The following CARM1 variants were observed in gnomAD, a reference collection of about 807,000 sequenced individuals.
CARM1 encodes coactivator associated arginine methyltransferase 1.
CARM1 carries 14 observed loss-of-function variants against 72.7 expected under a neutral mutation model. The ratio of observed to expected loss-of-function variants is 0.19; its 90% CI spans 0.13 to 0.30. CARM1 has a LOEUF of 0.30. Ranked by LOEUF, CARM1 falls within the 10% of genes least tolerant of loss-of-function variation. The pLI is 1.00. For synonymous variants in CARM1, 333 were observed against 345.5 expected (o/e 0.96, Z 0.40); for missense variants, 432 against 833.7 (o/e 0.52, Z 5.93).
intron 1 of CARM1, among the ~76,000 whole-genome samples, chr19:10,878,191 T>C (rs930225818): frequency 4.6e-5 from 7 of 152,212 alleles, no homozygotes; most frequent in African/African-American, 1.7e-4. Flanking sequence ...TTTACAGTTT[T>C]TGAGAGATTG....
intron 15 of CARM1, 52 bp from the exon 16 acceptor site, chr19:10,921,563 T>TG: frequency 6.3e-7 from 1 of 1,579,678 alleles, no homozygotes; most frequent in Non-Finnish European, 8.6e-7. Context: ...TGACTCTGCC[T>TG]GGGGGCTGGG....
At chr19:10,875,042 T>C (rs900787483) in intron 1 of CARM1, among the ~76,000 whole-genome samples, 1 of 149,104 alleles carries the variant, frequency 6.7e-6, no homozygotes, top group Non-Finnish European at 1.5e-5. Context: ...AAAAAAAGCA[T>C]GGGTTCTGGA....
chr19:10,882,784 C>T (rs926741506), intron 1 of CARM1, among the ~76,000 whole-genome samples: 14 of 152,114 alleles, frequency 9.2e-5, no homozygotes, highest in Admixed American at 5.9e-4. Flanking sequence ...TCAAGTGGAT[C>T]TGCCCGCCTT....
In CARM1 at chr19:10,916,489, C is replaced by T; in HGVS notation, c.930C>T (p.Ala310=). Reference sequence around the variant, plus strand: ...TCTACATGGAGCAGTTCACCAAGGCCAACTTCTGGTGAGTGTGCCCTGGGT... The same window carrying T: ...TCTACATGGAGCAGTTCACCAAGGCTAACTTCTGGTGAGTGTGCCCTGGGT... ...EQLYMEQFTK[A]NFWYQPSFHG... Residue 310 remains alanine (A), a synonymous_variant, in exon 7 of 16, where the codon GCC becomes GCT. Coordinates refer to ENST00000327064, the MANE Select transcript of CARM1 (RefSeq NM_199141.2). The surrounding 1 kb of genome is among the most constrained non-coding windows in gnomAD (Gnocchi z 4.4). 6.2e-7 allele frequency: 1 copy of T among 1,611,630 alleles called. No homozygotes were observed. The highest frequency in any genetic ancestry group is 8.5e-7 in the Non-Finnish European group (1 of 1,177,858).
rs2073815699 is a variant in CARM1 at position 10,871,616 on chromosome 19, G to GGCGGTAGCGGCA, written c.-83_-82insTAGCGGCAGCGG. 7.3e-6 allele frequency: 1 copy of GGCGGTAGCGGCA among 136,450 alleles called. No individual in the cohort carries two copies. Among genetic ancestry groups the GGCGGTAGCGGCA allele is most frequent in the Non-Finnish European group, 1.4e-5 (1 of 73,176 alleles). The allele number at this position is 136,450 out of a possible 1,614,324, so 8.5% of individuals were successfully genotyped here. A position where few individuals can be genotyped will look rare whatever the true frequency, so the allele number is the denominator to read the frequency against. Reference sequence around the variant, plus strand: ...CGGCGGCGGCGGCGGCGGCGGCGGCGGCGGCGGCGGCGGCGGCGGCGGCAG... The same window carrying GGCGGTAGCGGCA: ...CGGCGGCGGCGGCGGCGGCGGCGGCGGCGGTAGCGGCAGCGGCGGCGGCGGCGGCGGCGGCAG... On this transcript the variant is annotated 5_prime_UTR_variant, in exon 1 of 16. Transcript: ENST00000327064. This position sits in a 1 kb window ranked among gnomAD's most constrained non-coding sequence, Gnocchi z 5.6.
intron 9 of CARM1, 97 bp from the exon 10 acceptor site, chr19:10,919,780 T>G: frequency 6.7e-7 from 1 of 1,498,136 alleles, no homozygotes; most frequent in Non-Finnish European, 9.3e-7. Flanking sequence ...GGGCAGATGG[T>G]GGGCGGGGGC....
rs776597079 is a variant in CARM1, at chr19:10,920,011, G to C, written c.1196+45G>C. On this transcript the variant is annotated intron_variant, in intron 10 of 15. Coordinates refer to ENST00000327064, the MANE Select transcript of CARM1 (RefSeq NM_199141.2). This position sits in a 1 kb window ranked among gnomAD's most constrained non-coding sequence, Gnocchi z 5.3. ...CCATGCTGCCTCCTCCCCACTCCCAGGGCTTCCTGCAGCTGCAACCTGGCT... is the reference window on the plus strand; with the variant it reads ...CCATGCTGCCTCCTCCCCACTCCCACGGCTTCCTGCAGCTGCAACCTGGCT... 1 of 1,495,148 alleles carries C rather than the reference G, an allele frequency of 6.7e-7. No individual in the cohort carries two copies. Among genetic ancestry groups the C allele is most frequent in the South Asian group, 1.1e-5 (1 of 88,286 alleles). 92.6% of individuals were successfully genotyped at this position (1,495,148 alleles called of 1,614,324 possible).
At chr19:10,890,947 C>T (rs907673648) in intron 1 of CARM1, among the ~76,000 whole-genome samples, 1 of 151,556 alleles carries the variant, frequency 6.6e-6, no homozygotes, top group African/African-American at 2.4e-5. Context: ...GCACTCCAGC[C>T]TGGGTGACAG....
chr19:10,894,455 G>A (rs1221186716), intron 1 of CARM1, among the ~76,000 whole-genome samples: 1 of 152,042 alleles, frequency 6.6e-6, no homozygotes, highest in South Asian at 2.1e-4. Flanking sequence ...TCCTTTGATC[G>A]GGAATATTTT....
At chr19:10,913,059 A>T (rs970278612) in intron 5 of CARM1, among the ~76,000 whole-genome samples, 2 of 151,662 alleles carry the variant, frequency 1.3e-5, no homozygotes, top group African/African-American at 4.9e-5. Context: ...TGGGGGACCT[A>T]GGAGGCCGCA....
At chr19:10,878,580 C>G (rs2073879839) in intron 1 of CARM1, among the ~76,000 whole-genome samples, 1 of 152,208 alleles carries the variant, frequency 6.6e-6, no homozygotes, top group South Asian at 2.1e-4. Flanking sequence ...GGTTGGCAGG[C>G]AGCAGAGATG....
In CARM1 at chr19:10,915,043, T is replaced by G. The variant is rs1392286092; in HGVS notation, c.847+989T>G. ...AGGGTAGCAGCCATGGGATGGAGCG[T>G]GGGCAGCAGCAGGCTGGTGGGGCTT... On this transcript the variant is annotated intron_variant, in intron 6 of 15. Transcript: ENST00000327064. The surrounding 1 kb of genome is among the most constrained non-coding windows in gnomAD (Gnocchi z 4.6). Among the ~76,000 whole-genome samples the G allele has an allele frequency of 6.6e-6, 1 of 152,078 alleles. No homozygotes were observed. The highest frequency in any genetic ancestry group is 2.4e-5 in the African/African-American group (1 of 41,404).
At chr19:10,902,211 A>C (rs1429601336) in intron 1 of CARM1, among the ~76,000 whole-genome samples, 1 of 152,110 alleles carries the variant, frequency 6.6e-6, no homozygotes, top group Non-Finnish European at 1.5e-5. Context: ...GTGCCACTGC[A>C]TTCCAGGCTG....
intron 1 of CARM1, among the ~76,000 whole-genome samples, chr19:10,899,729 T>C (rs1025555903): frequency 2.7e-5 from 4 of 150,936 alleles, no homozygotes; most frequent in African/African-American, 4.8e-5. Context: ...TTTTCTTTTT[T>C]TTTTTTTTTG....
chr19:10,895,222 A>T (rs2074015844), intron 1 of CARM1, among the ~76,000 whole-genome samples: 1 of 152,166 alleles, frequency 6.6e-6, no homozygotes, highest in African/African-American at 2.4e-5. Context: ...CTCGTGCCTC[A>T]GCCTCCCAAG....
chr19:10,880,613 A>G (rs1428483012), intron 1 of CARM1, among the ~76,000 whole-genome samples: 1 of 145,560 alleles, frequency 6.9e-6, no homozygotes, highest in East Asian at 2.0e-4. Flanking sequence ...CTTGGCCCCC[A>G]AAGTGCTGGG....
At position 10,916,681 on chromosome 19, in the gene CARM1, G is replaced by T; in HGVS notation, c.939-15G>T. On this transcript the variant is annotated splice_polypyrimidine_tract_variant and intron_variant, in intron 7 of 15. Transcript: ENST00000327064. The surrounding 1 kb of genome is among the most constrained non-coding windows in gnomAD (Gnocchi z 4.4). ...GCAGCCCTGACCTTGCTGTGGGGGTGGGGCCTGTCCACAGGTACCAGCCAT... is the reference window on the plus strand; with the variant it reads ...GCAGCCCTGACCTTGCTGTGGGGGTTGGGCCTGTCCACAGGTACCAGCCAT... 6.4e-7 allele frequency: 1 copy of T among 1,568,256 alleles called. No individual in the cohort carries two copies.
At position 10,912,412 on chromosome 19, in the gene CARM1, G is replaced by A; in HGVS notation, c.669+118G>A. The A allele has an allele frequency of 1.4e-6, 1 of 724,002 alleles. No homozygotes were observed. The highest frequency in any genetic ancestry group is 2.4e-6 in the Non-Finnish European group (1 of 412,304). The allele number at this position is 724,002 out of a possible 1,614,324, so 44.8% of individuals were successfully genotyped here. On this transcript the variant is annotated intron_variant, in intron 5 of 15. Coordinates refer to ENST00000327064, the MANE Select transcript of CARM1 (RefSeq NM_199141.2). The surrounding 1 kb of genome is among the most constrained non-coding windows in gnomAD (Gnocchi z 4.5). ...CTGGGGACATTACTTCTGTGCTTTG[G>A]TCTCTTTATTGTCCCCAAGACAGTC... is the stretch of plus-strand genomic sequence containing the variant.
intron 1 of CARM1, among the ~76,000 whole-genome samples, chr19:10,878,073 C>T (rs1246443806): frequency 6.6e-6 from 1 of 152,124 alleles, no homozygotes; most frequent in Non-Finnish European, 1.5e-5. Flanking sequence ...AACCCCTGGC[C>T]TCAAACCATC....
Sources: allele counts gnomAD v4.1 joint callset (sites outside exome capture counted in the v4.1 genomes callset), GRCh38; gene constraint gnomAD v4.1.1; non-coding constraint Gnocchi (gnomAD v3.1); transcripts MANE v1.5; gene names NCBI Gene and HGNC (gene_info 2026-07-23, HGNC 2026-07-21).